Variants in THBS2 observed in about 807,000 individuals in gnomAD.
The protein encoded by THBS2 is thrombospondin 2, also known as thrombospondin-2.
Under a neutral mutation model 135.2 loss-of-function variants are expected in THBS2, and 47 were observed. That is an observed-to-expected ratio of 0.35 (90% CI 0.28 to 0.44). The LOEUF is 0.44. Among genes scored for constraint, THBS2 ranks in the 20% least tolerant of loss-of-function variants. The probability of loss-of-function intolerance (pLI) is 1.00; values close to 1 mark genes in which losing one functional copy is unlikely to be tolerated. For synonymous variants in THBS2, 639 were observed against 633.8 expected (o/e 1.01, Z -0.12); for missense variants, 1,288 against 1,603.1 (o/e 0.80, Z 3.36).
In THBS2 at chr6:169,252,918, C is replaced by G. The variant is rs751168836; in HGVS notation, c.-23+806G>C. On this transcript the variant is annotated intron_variant, in intron 1 of 21. Coordinates refer to ENST00000617924, the MANE Select transcript of THBS2 (RefSeq NM_003247.5). The surrounding 1 kb of genome is among the most constrained non-coding windows in gnomAD (Gnocchi z 4.3). The stretch of plus-strand genomic sequence containing the variant: ...TGCAGAGAGCTAATTGTTTACCGGC[C>G]GTCCACCACCAACAGCAGTCTGATT... 1.3e-5 allele frequency among the ~76,000 whole-genome samples: 2 copies of G among 152,170 alleles called. No individual in the cohort carries two copies. Among genetic ancestry groups the G allele is most frequent in the East Asian group, 1.9e-4 (1 of 5,200 alleles).
At chr6:169,236,638 C>T (rs79563326) in intron 9 of THBS2, among the ~76,000 whole-genome samples, 38 of 145,416 alleles carry the variant, frequency 2.6e-4, no homozygotes, top group African/African-American at 9.4e-4. Flanking sequence ...CACTCCCATC[C>T]ACACTCGCCA....
chr6:169,219,650 C>T (rs1779349223), intron 21 of THBS2, among the ~76,000 whole-genome samples: 1 of 152,172 alleles, frequency 6.6e-6, no homozygotes, highest in Admixed American at 6.5e-5. Context: ...CAGCCAAACA[C>T]ATGATTTTCA....
chr6:169,226,066 T>G (rs534304949), intron 16 of THBS2, 114 bp downstream of exon 16: 7 of 1,162,462 alleles, frequency 6.0e-6, no homozygotes, highest in Non-Finnish European at 8.7e-6. Flanking sequence ...GCTGCCCTCA[T>G]CTGGTCAGGG....
intron 4 of THBS2, among the ~76,000 whole-genome samples, chr6:169,242,731 ACCTTC>A (rs1780376381): frequency 1.8e-5 from 2 of 108,112 alleles, no homozygotes; most frequent in Non-Finnish European, 4.0e-5. Context: ...CCACCTTCCC[ACCTTC>A]CCACCGCTCC....
chr6:169,232,236 G>C, intron 12 of THBS2, 38 bp from the exon 13 acceptor site: 1 of 1,607,176 alleles, frequency 6.2e-7, no homozygotes, highest in Non-Finnish European at 8.5e-7. Context: ...CGACAGGCAG[G>C]ACGATGGCTC....
chr6:169,230,621 A>T (rs369633592), intron 13 of THBS2, among the ~76,000 whole-genome samples: 1 of 152,216 alleles, frequency 6.6e-6, no homozygotes, highest in African/African-American at 2.4e-5. Context: ...ATGTGTATAT[A>T]TACATATAAC....
intron 13 of THBS2, 134 bp from the exon 14 acceptor site, chr6:169,229,813 C>A: frequency 1.5e-6 from 1 of 669,034 alleles, no homozygotes. Context: ...CAAGCGGGAG[C>A]TGAGAGAGGA....
Position 169,215,940 on chromosome 6 carries a change from A to T in THBS2, c.*1882T>A, listed in dbSNP as rs1348527109. On this transcript the variant is annotated 3_prime_UTR_variant, in exon 22 of 22. Coordinates refer to ENST00000617924, the MANE Select transcript of THBS2 (RefSeq NM_003247.5). ...AAAACACATGACGTTTCATCAACCT[A>T]TACGATAAATTTGTTTAGAAAAACA... 6.6e-6 allele frequency: 1 copy of T among 152,582 alleles called. No individual in the cohort carries two copies. Among genetic ancestry groups the T allele is most frequent in the Non-Finnish European group, 1.5e-5 (1 of 68,052 alleles). 9.5% of individuals were successfully genotyped at this position (152,582 alleles called of 1,614,324 possible). A position where few individuals can be genotyped will look rare whatever the true frequency, so the allele number is the denominator to read the frequency against.
intron 12 of THBS2, 81 bp downstream of exon 12, chr6:169,232,580 TCTC>T: frequency 6.6e-7 from 1 of 1,524,718 alleles, no homozygotes; most frequent in Non-Finnish European, 8.8e-7. Context: ...CACCCCTTCC[TCTC>T]CTTCCTCCTG....
chr6:169,251,213 A>C (rs1247022605), intron 1 of THBS2, among the ~76,000 whole-genome samples: 1 of 152,224 alleles, frequency 6.6e-6, no homozygotes, highest in Non-Finnish European at 1.5e-5. Context: ...GTTTGAATTT[A>C]GAAAAATATC....
At chr6:169,234,071 T>C (rs931165411) in intron 10 of THBS2, among the ~76,000 whole-genome samples, 2 of 150,182 alleles carry the variant, frequency 1.3e-5, no homozygotes, top group African/African-American at 4.9e-5. Context: ...CCATGCACCA[T>C]GTTCCACACC....
At chr6:169,245,595 A>T (rs1007725243) in intron 4 of THBS2, among the ~76,000 whole-genome samples, 12 of 152,152 alleles carry the variant, frequency 7.9e-5, no homozygotes, top group Non-Finnish European at 1.6e-4. Flanking sequence ...GATCGAGACC[A>T]TCTTGGCTAA....
At chr6:169,244,820 G>A (rs1044042584) in intron 4 of THBS2, among the ~76,000 whole-genome samples, 11 of 152,148 alleles carry the variant, frequency 7.2e-5, no homozygotes, top group East Asian at 3.9e-4. Flanking sequence ...AGTGAGGGTC[G>A]TGGTGGGGGT....
intron 4 of THBS2, among the ~76,000 whole-genome samples, chr6:169,242,355 C>A (rs1316408430): frequency 1.3e-5 from 2 of 152,072 alleles, no homozygotes; most frequent in Non-Finnish European, 2.9e-5. Context: ...TGCAAAGCTT[C>A]CGACCACAAA....
At chr6:169,242,082 C>T (rs1007878410) in intron 4 of THBS2, 124 bp from the exon 5 acceptor site, 17 of 1,109,924 alleles carry the variant, frequency 1.5e-5, no homozygotes, top group Middle Eastern at 2.9e-4. Context: ...AGACACAAGG[C>T]GGAGGACTGG....
At chr6:169,242,367 C>T (rs1257445690) in intron 4 of THBS2, among the ~76,000 whole-genome samples, 2 of 152,094 alleles carry the variant, frequency 1.3e-5, no homozygotes, top group African/African-American at 4.8e-5. Context: ...GACCACAAAT[C>T]TGCTTCTTGA....
chr6:169,228,101 G>C (rs763130514), intron 15 of THBS2, 21 bp downstream of exon 15: 1 of 1,583,146 alleles, frequency 6.3e-7, no homozygotes, highest in Non-Finnish European at 8.6e-7. Flanking sequence ...TGCACGCATG[G>C]GAAGGAGCAG....
rs1439633956 is a variant in THBS2 at position 169,219,855 on chromosome 6, T to C, written c.3511+343A>G. On this transcript the variant is annotated intron_variant, in intron 21 of 21. Transcript: ENST00000617924. ...CTTCCTTCTTTCCTTCCTGCCTGCC[T>C]GCCATTGCTAATGCAAGGGTACCAA... 7.1e-6 allele frequency: 4 copies of C among 560,058 alleles called. No individual in the cohort carries two copies. In the African/African-American group the frequency reaches 7.4e-5, roughly 10 times the overall value. 34.7% of individuals were successfully genotyped at this position (560,058 alleles called of 1,614,324 possible). A position where few individuals can be genotyped will look rare whatever the true frequency, so the allele number is the denominator to read the frequency against.
At chr6:169,221,352 T>C in intron 20 of THBS2, 78 bp downstream of exon 20, 1 of 1,299,252 alleles carries the variant, frequency 7.7e-7, no homozygotes, top group Non-Finnish European at 1.1e-6. Flanking sequence ...CTTGAGCTTA[T>C]TTGTCTATTA....
Sources: gnomAD v4.1 joint callset for allele counts (sites outside exome capture counted in the v4.1 genomes callset) on GRCh38, gnomAD v4.1.1 for gene constraint, Gnocchi (gnomAD v3.1) non-coding constraint, MANE v1.5 for transcripts, NCBI Gene and HGNC (gene_info 2026-07-23, HGNC 2026-07-21) for gene names.